Variants in IMPA2 observed in about 807,000 individuals in gnomAD.
IMPA2 encodes inositol monophosphatase 2, also known as IMP 2.
IMPA2 carries 32 observed loss-of-function variants against 35.1 expected under a neutral mutation model. The observed-to-expected ratio is 0.91, with a 90% confidence interval of 0.69 to 1.23. The LOEUF (loss-of-function observed/expected upper bound fraction) is 1.23, where lower values mean the gene tolerates loss of function less well. IMPA2 is among the 50% of genes most tolerant of loss of function. IMPA2 has a pLI of 0.00. For synonymous variants in IMPA2, 135 were observed against 160.6 expected (o/e 0.84, Z 1.20); for missense variants, 334 against 387.6 (o/e 0.86, Z 1.16).
At chr18:11,999,260 G>C (rs565618784) in intron 2 of IMPA2, 73 bp downstream of exon 2, 7 of 1,453,248 alleles carry the variant, frequency 4.8e-6, no homozygotes, top group Non-Finnish European at 5.6e-6. Context: ...GTCTGCCGGG[G>C]TCAGGGGGCT....
chr18:11,983,706 G>A (rs1906572361), intron 1 of IMPA2, among the ~76,000 whole-genome samples: 1 of 151,966 alleles, frequency 6.6e-6, no homozygotes, highest in Admixed American at 6.5e-5. Flanking sequence ...GGCCGCCCGG[G>A]GCTCCCCCTC....
intron 1 of IMPA2, among the ~76,000 whole-genome samples, 159 bp downstream of exon 1, chr18:11,981,924 G>T (rs531596935): frequency 1.3e-5 from 2 of 152,188 alleles, no homozygotes; most frequent in East Asian, 3.9e-4. Context: ...CCTTTGTGCT[G>T]GTGTCCTGGA....
At chr18:12,022,528 A>AAATATATATATATATATATAT (rs68185380) in intron 5 of IMPA2, among the ~76,000 whole-genome samples, 2,771 of 96,512 alleles carry the variant, frequency 0.029, 304 homozygotes, top group Non-Finnish European at 0.041. Flanking sequence ...TCTCAAAAAG[A>AAATATATATATATATATATAT]ATATATATAT....
chr18:12,017,514 G>T, intron 5 of IMPA2: 1 of 306,374 alleles, frequency 3.3e-6, no homozygotes, highest in Non-Finnish European at 6.3e-6. Context: ...CTGCGTTCTG[G>T]GGGGACTTCC....
At chr18:12,024,398 T>C (rs1434621154) in intron 5 of IMPA2, among the ~76,000 whole-genome samples, 8 of 152,140 alleles carry the variant, frequency 5.3e-5, no homozygotes, top group African/African-American at 1.7e-4. Flanking sequence ...ACAAGAGAAC[T>C]GCGTGAACCT....
At chr18:12,000,142 G>A (rs1202561371) in intron 2 of IMPA2, among the ~76,000 whole-genome samples, 2 of 152,068 alleles carry the variant, frequency 1.3e-5, no homozygotes, top group African/African-American at 4.8e-5. Flanking sequence ...TTCAGCACAT[G>A]GTAGGCTTAA....
At chr18:12,007,320 G>A (rs1907277725) in intron 2 of IMPA2, among the ~76,000 whole-genome samples, 1 of 152,168 alleles carries the variant, frequency 6.6e-6, no homozygotes, top group African/African-American at 2.4e-5. Context: ...CTGAAGAACT[G>A]AAGTCTTTAT....
intron 2 of IMPA2, chr18:12,008,201 G>A: frequency 2.3e-6 from 1 of 432,588 alleles, no homozygotes; most frequent in South Asian, 1.6e-5. Context: ...TCACCATGCT[G>A]GCCAGGCTGA....
intron 2 of IMPA2, among the ~76,000 whole-genome samples, chr18:12,005,297 G>C (rs1047993062): frequency 4.6e-5 from 7 of 152,070 alleles, no homozygotes; most frequent in Admixed American, 6.6e-5. Context: ...GCTCAGTGTG[G>C]GTACTTAGAG....
At chr18:12,026,671 G>C (rs1290587601) in intron 5 of IMPA2, among the ~76,000 whole-genome samples, 1 of 152,222 alleles carries the variant, frequency 6.6e-6, no homozygotes, top group Admixed American at 6.5e-5. Flanking sequence ...CCAGGTGAGG[G>C]TGGGGTTTGG....
chr18:12,008,547 A>C (rs1907342669), intron 2 of IMPA2: 1 of 456,730 alleles, frequency 2.2e-6, no homozygotes, highest in African/African-American at 2.0e-5. Flanking sequence ...ATGCCTTTGG[A>C]AGGTGTAAAC....
intron 2 of IMPA2, among the ~76,000 whole-genome samples, chr18:12,009,448 C>T (rs114977767): frequency 0.015 from 2,287 of 152,222 alleles, 52 homozygotes; most frequent in African/African-American, 0.051. Context: ...TTTAACCCCT[C>T]GGTGCCCAGG....
intron 5 of IMPA2, among the ~76,000 whole-genome samples, chr18:12,020,284 C>A (rs1907693408): frequency 6.6e-6 from 1 of 151,214 alleles, no homozygotes; most frequent in South Asian, 2.1e-4. Flanking sequence ...ACCTCCACCT[C>A]CTGGGTTTAA....
intron 2 of IMPA2, among the ~76,000 whole-genome samples, chr18:12,005,222 A>G (rs1037868137): frequency 2.5e-4 from 38 of 152,230 alleles, no homozygotes; most frequent in African/African-American, 8.7e-4. Context: ...AGAGGTGTAC[A>G]CAAGGTGGGT....
Position 11,999,185 on chromosome 18 carries a change from C to G in IMPA2, c.228C>G (p.His76Gln), listed in dbSNP as rs1480859825. The G allele has an allele frequency of 6.2e-7, 1 of 1,613,292 alleles. No individual in the cohort carries two copies. The change falls in exon 2 of 8, where the codon CAC becomes CAG. Residue 76 changes from histidine (H) to glutamine (Q), a missense_variant and splice_region_variant. Physicochemically the swap from His to Gln is conservative, Grantham distance 24. Transcript: ENST00000269159. Reference protein sequence around the residue: ...ISELRERFPSHRFIAEEAAAS... With the variant: ...ISELRERFPSQRFIAEEAAAS... ...AGTTGCGAGAGAGGTTTCCTTCACA[C>G]AGGTAGGTGTACTCCTCTGGGAAAC...
intron 2 of IMPA2, among the ~76,000 whole-genome samples, chr18:12,009,341 T>C (rs1029946026): frequency 6.6e-6 from 1 of 152,026 alleles, no homozygotes; most frequent in African/African-American, 2.4e-5. Context: ...CTTTGGGAAA[T>C]GAACCAGCTG....
At chr18:12,027,319 C>G (rs1001855993) in intron 5 of IMPA2, among the ~76,000 whole-genome samples, 7 of 152,196 alleles carry the variant, frequency 4.6e-5, no homozygotes, top group Non-Finnish European at 8.8e-5. Flanking sequence ...CTGGCAGCCT[C>G]GCCTGCTGTT....
chr18:12,025,834 T>A (rs1442047622), intron 5 of IMPA2, among the ~76,000 whole-genome samples: 2 of 152,030 alleles, frequency 1.3e-5, no homozygotes, highest in African/African-American at 4.8e-5. Flanking sequence ...CCTCCCAAAG[T>A]GCTGGGATTA....
intron 1 of IMPA2, among the ~76,000 whole-genome samples, chr18:11,995,251 A>G (rs898767653): frequency 6.6e-6 from 1 of 152,178 alleles, no homozygotes; most frequent in Admixed American, 6.5e-5. Flanking sequence ...TTCTTCCTGC[A>G]TGGGCAGCAC....
Sources: allele counts gnomAD v4.1 joint callset (sites outside exome capture counted in the v4.1 genomes callset), GRCh38; gene constraint gnomAD v4.1.1; transcripts MANE v1.5; gene names NCBI Gene and HGNC (gene_info 2026-07-23, HGNC 2026-07-21).